The following MYOZ1 variants were observed in gnomAD, a reference collection of about 807,000 sequenced individuals.
MYOZ1 encodes myozenin 1, also known as myozenin-1.
In MYOZ1, 20 loss-of-function variants were observed where a neutral mutation model predicts 28.7. That is an observed-to-expected ratio of 0.70 (90% CI 0.49 to 1.01). The LOEUF (loss-of-function observed/expected upper bound fraction) is 1.01, where lower values mean the gene tolerates loss of function less well. Ranked by LOEUF, MYOZ1 falls within the 50% of genes least tolerant of loss-of-function variation. The pLI, the probability that MYOZ1 is intolerant of heterozygous loss-of-function variation, is 0.00. For missense variants in MYOZ1, 371 were observed against 372.4 expected (o/e 1.00, Z 0.03); for synonymous variants, 144 against 145.8 (o/e 0.99, Z 0.09).
At chr10:73,637,010 C>CTTTTTTTTTTTTTTTTTTTT (rs200349316) in intron 3 of MYOZ1, among the ~76,000 whole-genome samples, 5 of 137,522 alleles carry the variant, frequency 3.6e-5, no homozygotes, top group African/African-American at 1.5e-4. Flanking sequence ...TTTCTTTTTT[C>CTTTTTTTTTTTTTTTTTTTT]TTTCTTTTTT....
At chr10:73,640,943 G>A (rs1434481674) in intron 1 of MYOZ1, among the ~76,000 whole-genome samples, 1 of 152,170 alleles carries the variant, frequency 6.6e-6, no homozygotes. Context: ...GGCAGGTGTG[G>A]AACTGGGAAG....
chr10:73,634,678 T>C lies in MYOZ1; in HGVS notation c.308A>G (p.Gln103Arg). 4 of 1,614,260 alleles carry C rather than the reference T, an allele frequency of 2.5e-6. No homozygotes were observed. The highest frequency in any genetic ancestry group is 1.7e-6 in the Non-Finnish European group (2 of 1,180,048). ...GTTGCTCTTGCTGTATGAGAATCCC[T>C]GACCAGCTGTGCCCAGCTGTCCCCC... ...TVGGQLGTAG[Q>R]GFSYSKSNGR... The change falls in exon 4 of 6, where the codon CAG becomes CGG. Residue 103 changes from glutamine (Q) to arginine (R), a missense_variant. Gln to Arg is a conservative substitution (Grantham distance 43). Coordinates refer to ENST00000359322, the MANE Select transcript of MYOZ1 (RefSeq NM_021245.4).
At position 73,634,051 on chromosome 10, in the gene MYOZ1, C is replaced by T. The variant is rs753693347; in HGVS notation, c.517G>A (p.Gly173Arg). ...AACACAGTGATATGTTTTCCTTCTC[C>T]GCCTGCCTGGTCTCCTGGTAGCCAT... ...GETGSGDQAG[G>R]EGKHITVFKT... The change falls in exon 5 of 6, where the codon GGA becomes AGA. Residue 173 changes from glycine (G) to arginine (R), a missense_variant. Transcript: ENST00000359322. The T allele has an allele frequency of 1.4e-5, 22 of 1,613,830 alleles. No homozygotes were observed. Among genetic ancestry groups the T allele is most frequent in the East Asian group, 6.7e-5 (3 of 44,848 alleles).
In MYOZ1 at chr10:73,631,990, C is replaced by T. The variant is rs2081637681; in HGVS notation, c.840G>A (p.Glu280=). Residue 280 remains glutamate (E), a synonymous_variant, in exon 6 of 6, where the codon GAG becomes GAA. Coordinates refer to ENST00000359322, the MANE Select transcript of MYOZ1 (RefSeq NM_021245.4). ...RTPIPWLSSG[E]PVDYNVDIGI... ...CAATATCCACGTTGTAGTCTACAGG[C>T]TCCCCAGAGCTCAGCCAGGGAATAG... 2 of 1,614,076 alleles carry T rather than the reference C, an allele frequency of 1.2e-6. No homozygotes were observed. The highest frequency in any genetic ancestry group is 1.7e-6 in the Non-Finnish European group (2 of 1,180,018).
chr10:73,634,850 G>T (rs2081657720), intron 3 of MYOZ1, 117 bp from the exon 4 acceptor site: 3 of 1,230,548 alleles, frequency 2.4e-6, no homozygotes, highest in Non-Finnish European at 3.3e-6. Flanking sequence ...TGAATTTTCT[G>T]ATATTTCCCC....
rs202155677 is a variant in MYOZ1, at chr10:73,634,476, G to A, written c.502+8C>T. The A allele has an allele frequency of 7.4e-5, 120 of 1,613,818 alleles. No individual in the cohort carries two copies. In the East Asian group the frequency reaches 2.6e-3, roughly 35 times the overall value. On this transcript the variant is annotated splice_region_variant and intron_variant, in intron 4 of 5. Coordinates refer to ENST00000359322, the MANE Select transcript of MYOZ1 (RefSeq NM_021245.4). ...CCAAACACATTACTCTTGGGTGAGTGTACTTGCCTGATCCTGTCTCACCAA... is the reference window on the plus strand; with the variant it reads ...CCAAACACATTACTCTTGGGTGAGTATACTTGCCTGATCCTGTCTCACCAA...
intron 2 of MYOZ1, among the ~76,000 whole-genome samples, chr10:73,639,519 C>G (rs1436202803): frequency 6.6e-6 from 1 of 152,184 alleles, no homozygotes; most frequent in East Asian, 1.9e-4. Context: ...ATGCATGCAC[C>G]CCTGCCCACC....
At chr10:73,641,389 A>G (rs1302817091) in intron 1 of MYOZ1, 22 bp downstream of exon 1, 1 of 152,332 alleles carries the variant, frequency 6.6e-6, no homozygotes, top group African/African-American at 2.4e-5. Flanking sequence ...CAGCCTTTCT[A>G]ACGATAGAGC....
intron 2 of MYOZ1, among the ~76,000 whole-genome samples, chr10:73,638,620 C>T (rs575667148): frequency 1.3e-5 from 2 of 150,690 alleles, no homozygotes; most frequent in African/African-American, 2.5e-5. Flanking sequence ...AGGCGTGAGC[C>T]GTGGCGCCCA....
At chr10:73,639,184 G>A (rs1313621693) in intron 2 of MYOZ1, among the ~76,000 whole-genome samples, 2 of 151,624 alleles carry the variant, frequency 1.3e-5, no homozygotes, top group Non-Finnish European at 2.9e-5. Context: ...GGGTAGCGTC[G>A]CAATCATGGC....
chr10:73,637,884 T>C lies in MYOZ1; in HGVS notation c.112A>G (p.Ile38Val), dbSNP rs1226003329. The C allele has an allele frequency of 6.2e-7, 1 of 1,614,042 alleles. No individual in the cohort carries two copies. The highest frequency in any genetic ancestry group is 1.1e-5 in the South Asian group (1 of 91,054). Residue 38 changes from isoleucine to valine, a missense_variant, in exon 3 of 6, where the codon ATC becomes GTC. By Grantham distance (29) the Ile-to-Val change is conservative. Coordinates refer to ENST00000359322, the MANE Select transcript of MYOZ1 (RefSeq NM_021245.4). ...ESSGLNLGKK[I>V]SVPRDVMLEE... ...AACATCACATCCCTTGGGACACTGA[T>C]CTTTTTGCCCAGGTTCAAGCCTGAG... is the stretch of plus-strand genomic sequence containing the variant.
chr10:73,639,778 C>T (rs1369916154), intron 2 of MYOZ1, among the ~76,000 whole-genome samples, 167 bp downstream of exon 2: 1 of 152,206 alleles, frequency 6.6e-6, no homozygotes, highest in Non-Finnish European at 1.5e-5. Context: ...AATCTTTTCT[C>T]TCTTTCTCCT....
intron 1 of MYOZ1, among the ~76,000 whole-genome samples, chr10:73,640,296 C>T (rs200183153): frequency 2.0e-5 from 3 of 152,036 alleles, no homozygotes; most frequent in South Asian, 2.1e-4. Context: ...ACTATAGGTG[C>T]GCACCACCGT....
chr10:73,640,775 G>T (rs1395430581), intron 1 of MYOZ1, among the ~76,000 whole-genome samples: 1 of 152,114 alleles, frequency 6.6e-6, no homozygotes, highest in Admixed American at 6.5e-5. Context: ...GTCCCCAGGA[G>T]GACAGAGAAA....
rs754541516 is a variant in MYOZ1 at position 73,631,941 on chromosome 10, CTG to C, written c.887_888del (p.Thr296ArgfsTer10). On this transcript the variant is annotated frameshift_variant, in exon 6 of 6. Coordinates refer to ENST00000359322, the MANE Select transcript of MYOZ1 (RefSeq NM_021245.4). LOFTEE classifies it high-confidence loss of function. The part of the protein sequence containing the change: ...VDIGIPLDGE[T>X]EEL ...GAGGAGGAAACACCTCACAGCTCCT[CTG>C]TTTCTCCATCCAAGGGGATGCCAAT... is the stretch of plus-strand genomic sequence containing the variant. 1 of 1,613,872 alleles carries C rather than the reference CTG, an allele frequency of 6.2e-7. No individual in the cohort carries two copies. The highest frequency in any genetic ancestry group is 1.7e-5 in the Admixed American group (1 of 60,020).
chr10:73,634,851 A>T (rs1055793738), intron 3 of MYOZ1, 118 bp from the exon 4 acceptor site: 36 of 1,220,322 alleles, frequency 3.0e-5, no homozygotes, highest in Non-Finnish European at 3.8e-5. Context: ...GAATTTTCTG[A>T]TATTTCCCCC....
At chr10:73,632,280 T>G in intron 5 of MYOZ1, 119 bp from the exon 6 acceptor site, 1 of 889,408 alleles carries the variant, frequency 1.1e-6, no homozygotes, top group Non-Finnish European at 1.7e-6. Flanking sequence ...GGATTGCATC[T>G]GTACTCCTTC....
chr10:73,637,994 C>G (rs765084178), intron 2 of MYOZ1, 72 bp from the exon 3 acceptor site: 346 of 1,413,858 alleles, frequency 2.4e-4, no homozygotes, highest in Non-Finnish European at 3.0e-4. Context: ...GAATGCAGAC[C>G]TCATCCACAA....
At chr10:73,640,910 C>G (rs2081700044) in intron 1 of MYOZ1, among the ~76,000 whole-genome samples, 1 of 152,186 alleles carries the variant, frequency 6.6e-6, no homozygotes, top group South Asian at 2.1e-4. Context: ...TGCAATCACT[C>G]CCGCCACAGA....
Sources: gnomAD v4.1 joint callset for allele counts (sites outside exome capture counted in the v4.1 genomes callset) on GRCh38, gnomAD v4.1.1 for gene constraint, MANE v1.5 for transcripts, NCBI Gene and HGNC (gene_info 2026-07-23, HGNC 2026-07-21) for gene names.